UBAP1L: variants seen among roughly 807,000 people sequenced by gnomAD.
The protein encoded by UBAP1L is ubiquitin associated protein 1 like.
UBAP1L carries 32 observed loss-of-function variants against 32.1 expected under a neutral mutation model. That is an observed-to-expected ratio of 1.00 (90% CI 0.75 to 1.34). The LOEUF (loss-of-function observed/expected upper bound fraction) is 1.34. UBAP1L is among the 40% of genes most tolerant of loss of function. The pLI, the probability that UBAP1L is intolerant of heterozygous loss-of-function variation, is 0.00. For synonymous variants in UBAP1L, 243 were observed against 250.2 expected (o/e 0.97, Z 0.27); for missense variants, 516 against 540.5 (o/e 0.95, Z 0.45).
chr15:65,102,225 G>A lies in UBAP1L; in HGVS notation c.580C>T (p.Pro194Ser), dbSNP rs1010338099. 193 of 1,236,642 alleles carry A rather than the reference G, an allele frequency of 1.6e-4. No homozygotes were observed. The highest frequency in any genetic ancestry group is 1.9e-4 in the Non-Finnish European group (188 of 989,192). The allele number at this position is 1,236,642 out of a possible 1,614,324, so 76.6% of individuals were successfully genotyped here. Residue 194 changes from proline (P) to serine (S), a missense_variant, in exon 3 of 6, where the codon CCC becomes TCC. Physicochemically the swap from Pro to Ser is moderately conservative, Grantham distance 74 (BLOSUM62 -1). Coordinates refer to ENST00000559089, the MANE Select transcript of UBAP1L (RefSeq NM_001163692.2). The surrounding 1 kb of genome is among the most constrained non-coding windows in gnomAD (Gnocchi z 5.0). ...LSLCPSPAQSPRSASPPGPAP... is the reference protein window; with the variant it reads ...LSLCPSPAQSSRSASPPGPAP... ...GGCCCCGGGGGTGATGCAGACCTGG[G>A]GGACTGCGCAGGGCTCGGGCACAGG...
At position 65,102,710 on chromosome 15, in the gene UBAP1L, C is replaced by A. The variant is rs1275075596; in HGVS notation, c.121-26G>T. On this transcript the variant is annotated intron_variant, in intron 2 of 5. Coordinates refer to ENST00000559089, the MANE Select transcript of UBAP1L (RefSeq NM_001163692.2). The surrounding 1 kb of genome is among the most constrained non-coding windows in gnomAD (Gnocchi z 5.0). ...CTGCGGAAAGAAGGCGACGTAAAGC[C>A]CAGGGCAAACCAGGACCCCGGGGGC... 3 of 1,537,164 alleles carry A rather than the reference C, an allele frequency of 2.0e-6. No homozygotes were observed. The highest frequency in any genetic ancestry group is 2.6e-6 in the Non-Finnish European group (3 of 1,143,900).
In UBAP1L at chr15:65,092,918, A is replaced by G; in HGVS notation, c.*179T>C. The G allele has an allele frequency of 1.1e-6, 1 of 905,210 alleles. No individual in the cohort carries two copies. The highest frequency in any genetic ancestry group is 1.6e-6 in the Non-Finnish European group (1 of 629,800). 56.1% of individuals were successfully genotyped at this position (905,210 alleles called of 1,614,324 possible). A position where few individuals can be genotyped will look rare whatever the true frequency, so the allele number is the denominator to read the frequency against. Reference sequence around the variant, plus strand: ...CATCTGCCCCTCTGCAGAGGCAACTATTTCAACTCTTTCAGCAGATTCTGC... The same window carrying G: ...CATCTGCCCCTCTGCAGAGGCAACTGTTTCAACTCTTTCAGCAGATTCTGC... On this transcript the variant is annotated 3_prime_UTR_variant, in exon 6 of 6. Coordinates refer to ENST00000559089, the MANE Select transcript of UBAP1L (RefSeq NM_001163692.2).
rs1468577368 is a variant in UBAP1L at position 65,106,101 on chromosome 15, A to G, written c.115T>C (p.Ser39Pro). The G allele has an allele frequency of 2.6e-6, 4 of 1,551,404 alleles. No individual in the cohort carries two copies. The highest frequency in any genetic ancestry group is 2.0e-5 in the Admixed American group (1 of 50,896). ...AAACACAGAGACACACTTACCATAG[A>G]ACCCAGCAGAACTTCCCCGCAGGCC... ...VPACGEVLLG[S>P]MHDFSLERTA... Residue 39 changes from serine (S) to proline (P), a missense_variant, in exon 2 of 6, where the codon TCT becomes CCT. Transcript: ENST00000559089.
intron 1 of UBAP1L, among the ~76,000 whole-genome samples, chr15:65,109,123 C>T (rs1168109958): frequency 6.8e-6 from 1 of 147,664 alleles, no homozygotes; most frequent in Non-Finnish European, 1.5e-5. Flanking sequence ...CACCACTCTA[C>T]TCCAGCCTAG....
At chr15:65,104,054 C>T (rs2087275062) in intron 2 of UBAP1L, among the ~76,000 whole-genome samples, 2 of 152,074 alleles carry the variant, frequency 1.3e-5, no homozygotes, top group Admixed American at 1.3e-4. Context: ...CAGTTCAAGA[C>T]CAGCCTGGCC....
chr15:65,102,708 G>T lies in UBAP1L; in HGVS notation c.121-24C>A. 1 of 1,540,782 alleles carries T rather than the reference G, an allele frequency of 6.5e-7. No homozygotes were observed. ...TGCTGCGGAAAGAAGGCGACGTAAA[G>T]CCCAGGGCAAACCAGGACCCCGGGG... On this transcript the variant is annotated intron_variant, in intron 2 of 5. Transcript: ENST00000559089. The surrounding 1 kb of genome is among the most constrained non-coding windows in gnomAD (Gnocchi z 5.0).
intron 2 of UBAP1L, chr15:65,105,064 A>G: frequency 4.8e-6 from 1 of 208,830 alleles, no homozygotes; most frequent in South Asian, 5.4e-5. Context: ...CTGCAGTCTG[A>G]GCTACTTGGG....
At chr15:65,112,479 G>A (rs1486517685) in intron 1 of UBAP1L, among the ~76,000 whole-genome samples, 1 of 152,156 alleles carries the variant, frequency 6.6e-6, no homozygotes, top group Non-Finnish European at 1.5e-5. Context: ...ACTAGCCCAT[G>A]AGGTGGTGCC....
At chr15:65,098,191 C>T (rs1279581409) in intron 4 of UBAP1L, 1 of 152,286 alleles carries the variant, frequency 6.6e-6, no homozygotes, top group Non-Finnish European at 1.5e-5. Context: ...ACCCCTAAAT[C>T]TACCCCCAAT....
At chr15:65,109,035 T>C (rs1193355832) in intron 1 of UBAP1L, among the ~76,000 whole-genome samples, 1 of 150,850 alleles carries the variant, frequency 6.6e-6, no homozygotes, top group Non-Finnish European at 1.5e-5. Flanking sequence ...CACACATCTG[T>C]AATCTCAGCT....
chr15:65,112,084 C>T (rs1223200281), intron 1 of UBAP1L, among the ~76,000 whole-genome samples: 1 of 152,202 alleles, frequency 6.6e-6, no homozygotes, highest in Non-Finnish European at 1.5e-5. Flanking sequence ...TAATAATATT[C>T]TCCAAAGGAA....
At position 65,106,407 on chromosome 15, in the gene UBAP1L, T is replaced by A; in HGVS notation, c.-173-19A>T. 1 of 544,090 alleles carries A rather than the reference T, an allele frequency of 1.8e-6. No homozygotes were observed. The highest frequency in any genetic ancestry group is 4.3e-5 in the Admixed American group (1 of 23,464). The allele number at this position is 544,090 out of a possible 1,614,324, so 33.7% of individuals were successfully genotyped here. A position where few individuals can be genotyped will look rare whatever the true frequency, so the allele number is the denominator to read the frequency against. ...GCCAGTGCTGCATAAAGGAAGGAAA[T>A]GAATAAAAACAAGAGCATTCACACG... On this transcript the variant is annotated intron_variant, in intron 1 of 5. Coordinates refer to ENST00000559089, the MANE Select transcript of UBAP1L (RefSeq NM_001163692.2).
intron 2 of UBAP1L, among the ~76,000 whole-genome samples, chr15:65,103,053 C>T (rs982002709): frequency 2.6e-5 from 4 of 152,200 alleles, no homozygotes; most frequent in African/African-American, 9.7e-5. Context: ...TTCACCTGAG[C>T]CCAGCAGTTT....
intron 1 of UBAP1L, among the ~76,000 whole-genome samples, chr15:65,108,638 G>A (rs868619023): frequency 3.3e-5 from 5 of 152,084 alleles, no homozygotes; most frequent in Non-Finnish European, 7.4e-5. Flanking sequence ...CCAGCTACTC[G>A]GGAGGCTGAA....
intron 4 of UBAP1L, chr15:65,096,409 T>G (rs1002916532): frequency 3.3e-5 from 5 of 152,338 alleles, no homozygotes; most frequent in African/African-American, 9.6e-5. Context: ...CCTTGATCTA[T>G]ACTATGCCAC....
rs184252694 is a variant in UBAP1L, at chr15:65,103,862, T to G, written c.121-1178A>C. Among the ~76,000 whole-genome samples, 151 of 152,128 alleles carry G rather than the reference T, an allele frequency of 9.9e-4. 1 individual carries two copies. Among genetic ancestry groups the G allele is most frequent in the African/African-American group, 3.6e-3 (149 of 41,490 alleles). ...ACTTGGAGAGAAAGAAGCTAAGAAA[T>G]AGCCAGCAGCACTCAGAGGGATTAA... On this transcript the variant is annotated intron_variant, in intron 2 of 5. Transcript: ENST00000559089.
Position 65,102,843 on chromosome 15 carries a change from G to T in UBAP1L, c.121-159C>A, listed in dbSNP as rs1276493385. The stretch of plus-strand genomic sequence containing the variant: ...CTTCCATCACAGCCCACTCTACCCT[G>T]GGTTTTAGCTAACACTGTGGTCGAT... On this transcript the variant is annotated intron_variant, in intron 2 of 5. Transcript: ENST00000559089. This position sits in a 1 kb window ranked among gnomAD's most constrained non-coding sequence, Gnocchi z 5.0. Among the ~76,000 whole-genome samples the T allele has an allele frequency of 6.6e-6, 1 of 152,186 alleles. No individual in the cohort carries two copies. The highest frequency in any genetic ancestry group is 1.5e-5 in the Non-Finnish European group (1 of 68,028).
chr15:65,102,388 G>T lies in UBAP1L; in HGVS notation c.417C>A (p.Gly139=). The change falls in exon 3 of 6, where the codon GGC becomes GGA. Residue 139 remains glycine (G), a synonymous_variant. Coordinates refer to ENST00000559089, the MANE Select transcript of UBAP1L (RefSeq NM_001163692.2). The surrounding 1 kb of genome is among the most constrained non-coding windows in gnomAD (Gnocchi z 5.0). The part of the protein sequence containing the change: ...QPGSPASPGP[G]RRLCSLDVLR... ...GCACGTCCAGCGAGCACAGGCGACGGCCGGGGCCGGGGCTCGCCGGGGAGC... is the reference window on the plus strand; with the variant it reads ...GCACGTCCAGCGAGCACAGGCGACGTCCGGGGCCGGGGCTCGCCGGGGAGC... The T allele has an allele frequency of 7.0e-7, 1 of 1,437,044 alleles. No individual in the cohort carries two copies. Among genetic ancestry groups the T allele is most frequent in the Non-Finnish European group, 9.1e-7 (1 of 1,102,584 alleles). 89.0% of individuals were successfully genotyped at this position (1,437,044 alleles called of 1,614,324 possible).
rs115547866 is a variant in UBAP1L at position 65,105,750 on chromosome 15, G to A, written c.120+346C>T. ...TGGTGGAGTTGGTAGGTGTGCCCAGGTCAAGTAGTGGGGCTGGATAGAAGG... is the reference window on the plus strand; with the variant it reads ...TGGTGGAGTTGGTAGGTGTGCCCAGATCAAGTAGTGGGGCTGGATAGAAGG... On this transcript the variant is annotated intron_variant, in intron 2 of 5. Transcript: ENST00000559089. The A allele has an allele frequency of 4.5e-3, 3,176 of 698,532 alleles. 74 individuals are homozygous for A. The African/African-American group carries it at 0.047, about 10-fold the overall frequency. The allele number at this position is 698,532 out of a possible 1,614,324, so 43.3% of individuals were successfully genotyped here. A position where few individuals can be genotyped will look rare whatever the true frequency, so the allele number is the denominator to read the frequency against.
Sources: allele counts gnomAD v4.1 joint callset (sites outside exome capture counted in the v4.1 genomes callset), GRCh38; gene constraint gnomAD v4.1.1; non-coding constraint Gnocchi (gnomAD v3.1); transcripts MANE v1.5; gene names NCBI Gene and HGNC (gene_info 2026-07-23, HGNC 2026-07-21).